The following ENTREP2 variants were observed in gnomAD, a reference collection of about 807,000 sequenced individuals.
The protein encoded by ENTREP2 is endosomal transmembrane epsin interactor 2.
At chr15:29,334,656 C>T in the ENTREP2 span, among the ~76,000 whole-genome samples, 3 of 152,168 alleles carry the variant, frequency 2.0e-5, no homozygotes, top group Non-Finnish European at 2.9e-5. Flanking sequence ...GTGGCTTCTC[C>T]TCCTGAAGGA....
At chr15:29,490,352 T>C in the ENTREP2 span, among the ~76,000 whole-genome samples, 1 of 152,146 alleles carries the variant, frequency 6.6e-6, no homozygotes, top group Non-Finnish European at 1.5e-5. Flanking sequence ...AGTGGCAAGA[T>C]TTACCGCAAA....
At chr15:29,494,136 G>A in the ENTREP2 span, among the ~76,000 whole-genome samples, 1 of 151,650 alleles carries the variant, frequency 6.6e-6, no homozygotes, top group Non-Finnish European at 1.5e-5. Flanking sequence ...CTGACAGAAT[G>A]ATTACATATA....
the ENTREP2 span, among the ~76,000 whole-genome samples, chr15:29,506,244 A>C: frequency 6.6e-6 from 1 of 152,204 alleles, no homozygotes; most frequent in Non-Finnish European, 1.5e-5. Flanking sequence ...GCCTCCAAGA[A>C]ATATGGGACT....
chr15:29,644,824 A>G, the ENTREP2 span, among the ~76,000 whole-genome samples: 5 of 151,230 alleles, frequency 3.3e-5, no homozygotes, highest in Admixed American at 6.6e-5. Flanking sequence ...AAAAAAAAAA[A>G]AAAGAAAAAA....
At chr15:29,640,687 AG>A in the ENTREP2 span, among the ~76,000 whole-genome samples, 1 of 152,184 alleles carries the variant, frequency 6.6e-6, no homozygotes, top group Middle Eastern at 3.4e-3. Context: ...AAAACCAAAA[AG>A]AAAAGAAAAG....
chr15:29,392,865 G>T, the ENTREP2 span, among the ~76,000 whole-genome samples: 14 of 152,086 alleles, frequency 9.2e-5, no homozygotes, highest in African/African-American at 3.1e-4. Flanking sequence ...TGTCATTCAT[G>T]ACTTCATTCT....
At chr15:29,634,703 G>A in the ENTREP2 span, among the ~76,000 whole-genome samples, 1 of 152,174 alleles carries the variant, frequency 6.6e-6, no homozygotes, top group African/African-American at 2.4e-5. Flanking sequence ...AACAAGTCCG[G>A]GGCCTCCAGA....
At chr15:29,589,505 CATTCG>C in the ENTREP2 span, among the ~76,000 whole-genome samples, 2 of 152,182 alleles carry the variant, frequency 1.3e-5, no homozygotes, top group Non-Finnish European at 2.9e-5. Context: ...TGCGTGTCTT[CATTCG>C]TCACGGAGAA....
the ENTREP2 span, among the ~76,000 whole-genome samples, chr15:29,673,735 T>C: frequency 1.3e-5 from 2 of 152,340 alleles, no homozygotes; most frequent in Middle Eastern, 3.4e-3. Context: ...AGGGCTGTTA[T>C]TGTTTTTGTT....
chr15:29,243,104 GTT>G, the ENTREP2 span, among the ~76,000 whole-genome samples: 1 of 152,192 alleles, frequency 6.6e-6, no homozygotes, highest in Admixed American at 6.5e-5. Flanking sequence ...ACGTGGCTGA[GTT>G]TATGTTGTAA....
the ENTREP2 span, among the ~76,000 whole-genome samples, chr15:29,223,877 G>C: frequency 1.8e-4 from 28 of 152,300 alleles, no homozygotes; most frequent in Non-Finnish European, 3.1e-4. Context: ...AGCTGACAGA[G>C]GACTGACAGA....
the ENTREP2 span, among the ~76,000 whole-genome samples, chr15:29,150,402 A>G: frequency 6.6e-6 from 1 of 152,222 alleles, no homozygotes; most frequent in Non-Finnish European, 1.5e-5. Context: ...AAACCAGGAG[A>G]ATGCAAACTT....
the ENTREP2 span, among the ~76,000 whole-genome samples, chr15:29,327,002 C>T: frequency 6.6e-6 from 1 of 151,740 alleles, no homozygotes; most frequent in Non-Finnish European, 1.5e-5. Flanking sequence ...AAAAATTGGA[C>T]ATCTATATGC....
At chr15:29,600,471 A>AT in the ENTREP2 span, among the ~76,000 whole-genome samples, 3 of 109,780 alleles carry the variant, frequency 2.7e-5, no homozygotes, top group African/African-American at 9.6e-5. Flanking sequence ...CATCATCATC[A>AT]ATCATCATCA....
At chr15:29,320,475 G>C in the ENTREP2 span, among the ~76,000 whole-genome samples, 1 of 152,076 alleles carries the variant, frequency 6.6e-6, no homozygotes, top group African/African-American at 2.4e-5. Flanking sequence ...TTGGTTTTCA[G>C]CAAAAAATTA....
chr15:29,506,598 A>G, the ENTREP2 span, among the ~76,000 whole-genome samples: 5 of 152,216 alleles, frequency 3.3e-5, no homozygotes, highest in African/African-American at 4.8e-5. Flanking sequence ...AGTAGGGGCC[A>G]ATATTCAATG....
chr15:29,311,277 A>G, the ENTREP2 span, among the ~76,000 whole-genome samples: 3 of 152,352 alleles, frequency 2.0e-5, no homozygotes, highest in South Asian at 2.1e-4. Flanking sequence ...TTATGACCAC[A>G]TAACAGTCTG....
the ENTREP2 span, among the ~76,000 whole-genome samples, chr15:29,645,859 G>A: frequency 3.3e-5 from 5 of 151,930 alleles, no homozygotes; most frequent in African/African-American, 9.7e-5. Context: ...GCGCCTGGCC[G>A]TGATTACCAT....
chr15:29,499,542 A>ATTT, the ENTREP2 span, among the ~76,000 whole-genome samples: 15 of 141,638 alleles, frequency 1.1e-4, no homozygotes, highest in African/African-American at 3.1e-4. Context: ...CACTAGGCTA[A>ATTT]TTTTTTTTTT....
Sources: gnomAD v4.1 joint callset for allele counts (sites outside exome capture counted in the v4.1 genomes callset) on GRCh38, gnomAD v4.1.1 for gene constraint, MANE v1.5 for transcripts, NCBI Gene and HGNC (gene_info 2026-07-23, HGNC 2026-07-21) for gene names.